Variants in TRAF3IP1 observed in about 807,000 individuals in gnomAD.
The protein encoded by TRAF3IP1 is intraflagellar transport 54.
In TRAF3IP1, 53 loss-of-function variants were observed where a neutral mutation model predicts 89.9. That is an observed-to-expected ratio of 0.59 (90% CI 0.47 to 0.74). TRAF3IP1 has a LOEUF of 0.74. Among genes scored for constraint, TRAF3IP1 ranks in the 30% least tolerant of loss-of-function variants. The probability of loss-of-function intolerance (pLI) is 0.00; values close to 1 mark genes in which losing one functional copy is unlikely to be tolerated. For missense variants in TRAF3IP1, 806 were observed against 866.1 expected (o/e 0.93, Z 0.87); for synonymous variants, 311 against 322.1 (o/e 0.97, Z 0.37).
intron 15 of TRAF3IP1, among the ~76,000 whole-genome samples, chr2:238,363,826 G>C (rs7575224): frequency 0.23 from 35,180 of 152,032 alleles, 4,406 homozygotes; most frequent in South Asian, 0.28. Context: ...CGGACATGGT[G>C]GTGTGTGCCT....
intron 12 of TRAF3IP1, among the ~76,000 whole-genome samples, chr2:238,352,466 G>A (rs1213713045): frequency 1.3e-5 from 2 of 152,172 alleles, no homozygotes; most frequent in Non-Finnish European, 2.9e-5. Context: ...AAGGGCTGGT[G>A]TCACTGAGAG....
chr2:238,384,611 C>T (rs191874809), intron 15 of TRAF3IP1, among the ~76,000 whole-genome samples: 2 of 148,898 alleles, frequency 1.3e-5, no homozygotes, highest in African/African-American at 5.0e-5. Flanking sequence ...TCTTGAGCTC[C>T]TGACCTTGTG....
intron 8 of TRAF3IP1, among the ~76,000 whole-genome samples, chr2:238,344,133 G>C (rs1302648949): frequency 6.6e-6 from 1 of 152,174 alleles, no homozygotes; most frequent in East Asian, 1.9e-4. Flanking sequence ...TCCTGAAACA[G>C]CCGCCTACTT....
At chr2:238,381,217 C>G (rs1700537372) in intron 15 of TRAF3IP1, among the ~76,000 whole-genome samples, 1 of 150,568 alleles carries the variant, frequency 6.6e-6, no homozygotes, top group African/African-American at 2.4e-5. Context: ...AGTTTATCTT[C>G]CCCCTCTCAG....
chr2:238,326,058 T>G (rs192127924), intron 3 of TRAF3IP1, 88 bp downstream of exon 3: 6 of 1,387,426 alleles, frequency 4.3e-6, no homozygotes, highest in East Asian at 2.4e-5. Context: ...GCGGGCGGTT[T>G]AGGGAAGGAG....
rs1298547394 is a variant in TRAF3IP1 at position 238,376,582 on chromosome 2, T to C, written c.1689+20502T>C. ...TGGAGTATTTATGAACAAAACTATC[T>C]CTCCATTTATTTAGACTTGCTTTAA... On this transcript the variant is annotated intron_variant, in intron 15 of 16. Coordinates refer to ENST00000373327, the MANE Select transcript of TRAF3IP1 (RefSeq NM_015650.4). Among the ~76,000 whole-genome samples the C allele has an allele frequency of 2.6e-5, 4 of 152,254 alleles. No homozygotes were observed. The East Asian group carries it at 7.7e-4, about 29-fold the overall frequency.
At chr2:238,378,792 G>A (rs1482257449) in intron 15 of TRAF3IP1, among the ~76,000 whole-genome samples, 6 of 151,690 alleles carry the variant, frequency 4.0e-5, no homozygotes, top group African/African-American at 9.7e-5. Flanking sequence ...ATCTGAAGCC[G>A]GGACCCCCCC....
intron 1 of TRAF3IP1, among the ~76,000 whole-genome samples, chr2:238,324,835 C>T (rs1289621818): frequency 6.6e-6 from 1 of 152,068 alleles, no homozygotes; most frequent in Non-Finnish European, 1.5e-5. Context: ...ATCTTCTGAC[C>T]TTGTGATTTG....
At chr2:238,370,849 G>T (rs532526429) in intron 15 of TRAF3IP1, among the ~76,000 whole-genome samples, 1 of 152,318 alleles carries the variant, frequency 6.6e-6, no homozygotes, top group South Asian at 2.1e-4. Context: ...AAAATGTGGG[G>T]AAGCACTTGC....
intron 5 of TRAF3IP1, among the ~76,000 whole-genome samples, chr2:238,331,635 C>T (rs1016036668): frequency 3.3e-5 from 5 of 151,886 alleles, no homozygotes; most frequent in East Asian, 1.9e-4. Flanking sequence ...GTGAGATTTG[C>T]GTGGATCTCG....
intron 2 of TRAF3IP1, 102 bp downstream of exon 2, chr2:238,325,476 G>A (rs1697780146): frequency 1.6e-6 from 2 of 1,218,426 alleles, no homozygotes; most frequent in East Asian, 2.3e-5. Flanking sequence ...GCTGCATGTG[G>A]TTGGAATACA....
At chr2:238,348,075 G>A (rs1698979094) in intron 10 of TRAF3IP1, among the ~76,000 whole-genome samples, 1 of 151,782 alleles carries the variant, frequency 6.6e-6, no homozygotes, top group South Asian at 2.1e-4. Context: ...ACTTTAAATA[G>A]TGGAGTAAAC....
intron 15 of TRAF3IP1, among the ~76,000 whole-genome samples, chr2:238,392,634 G>A (rs1701042408): frequency 6.6e-6 from 1 of 151,940 alleles, no homozygotes; most frequent in Admixed American, 6.6e-5. Flanking sequence ...GTGCAATGGC[G>A]TGATCTCGGC....
chr2:238,332,824 T>C lies in TRAF3IP1; in HGVS notation c.916T>C (p.Ser306Pro), dbSNP rs781596344. 2 of 1,602,872 alleles carry C rather than the reference T, an allele frequency of 1.2e-6. No homozygotes were observed. Among genetic ancestry groups the C allele is most frequent in the Non-Finnish European group, 1.7e-6 (2 of 1,174,630 alleles). The change falls in exon 6 of 17, where the codon TCA becomes CCA. Residue 306 changes from serine (S) to proline (P), a missense_variant and splice_region_variant. Ser to Pro is a moderately conservative substitution (Grantham distance 74). Transcript: ENST00000373327. The part of the protein sequence containing the change: ...NREHDKPEKK[S>P]ASSGEMSKKL... ...TTTGAATTTTTTTTTTTTTTAATAG[T>C]CAGCAAGCTCAGGGGAGATGTCTAA...
chr2:238,324,390 T>C (rs778057669), intron 1 of TRAF3IP1, among the ~76,000 whole-genome samples: 2 of 151,990 alleles, frequency 1.3e-5, no homozygotes, highest in Non-Finnish European at 2.9e-5. Context: ...CTTTTTGGAA[T>C]CTGTTCCCTC....
rs534246118 is a variant in TRAF3IP1 at position 238,374,442 on chromosome 2, G to A, written c.1689+18362G>A. Among the ~76,000 whole-genome samples the A allele has an allele frequency of 2.0e-5, 3 of 152,268 alleles. No homozygotes were observed. The South Asian group carries it at 6.2e-4, about 32-fold the overall frequency. On this transcript the variant is annotated intron_variant, in intron 15 of 16. Transcript: ENST00000373327. Reference sequence around the variant, plus strand: ...ATGGATTACGTTTATTGATTTGTGTGTGTTGAACCAGCCTTGCATCCCAGG... The same window carrying A: ...ATGGATTACGTTTATTGATTTGTGTATGTTGAACCAGCCTTGCATCCCAGG...
At chr2:238,368,750 A>G (rs1357518557) in intron 15 of TRAF3IP1, among the ~76,000 whole-genome samples, 4 of 152,002 alleles carry the variant, frequency 2.6e-5, no homozygotes, top group African/African-American at 4.8e-5. Flanking sequence ...GGCTCACTGC[A>G]CCCTCTGCCT....
At chr2:238,369,337 A>G (rs1179089759) in intron 15 of TRAF3IP1, among the ~76,000 whole-genome samples, 2 of 152,202 alleles carry the variant, frequency 1.3e-5, no homozygotes, top group African/African-American at 4.8e-5. Flanking sequence ...TTCAGAGATT[A>G]ATGGTAGTGA....
At position 238,328,795 on chromosome 2, in the gene TRAF3IP1, G is replaced by A. The variant is rs778235077; in HGVS notation, c.464G>A (p.Arg155Gln). 9.9e-6 allele frequency: 16 copies of A among 1,614,084 alleles called. No individual in the cohort carries two copies. Among genetic ancestry groups the A allele is most frequent in the South Asian group, 5.5e-5 (5 of 91,072 alleles). Residue 155 changes from arginine (R) to glutamine (Q), a missense_variant, in exon 4 of 17, where the codon CGA (arginine) becomes CAA (glutamine). By Grantham distance (43) the Arg-to-Gln change is conservative. Coordinates refer to ENST00000373327, the MANE Select transcript of TRAF3IP1 (RefSeq NM_015650.4). The stretch of plus-strand genomic sequence containing the variant: ...CAGGAATTGGATAATAAGAATGTGC[G>A]AGAAGAAGAGTCCAGAGTTCACAAA... ...RSQELDNKNVREEESRVHKNT... is the reference protein window; with the variant it reads ...RSQELDNKNVQEEESRVHKNT...
Sources: allele counts gnomAD v4.1 joint callset (sites outside exome capture counted in the v4.1 genomes callset), GRCh38; gene constraint gnomAD v4.1.1; transcripts MANE v1.5; gene names NCBI Gene and HGNC (gene_info 2026-07-23, HGNC 2026-07-21).